Variants in KRTAP4-12 observed in about 807,000 individuals in gnomAD.
The protein encoded by KRTAP4-12 is keratin-associated protein 4-12.
KRTAP4-12 carries 1 observed loss-of-function variant against 0.9 expected under a neutral mutation model. The observed-to-expected ratio is 1.11, with a 90% CI of 0.40 to 5.29. KRTAP4-12 has a LOEUF of 5.29. KRTAP4-12 is among the 30% of genes most tolerant of loss of function. The probability of loss-of-function intolerance (pLI) is 0.16; values close to 1 mark genes in which losing one functional copy is unlikely to be tolerated. For missense variants in KRTAP4-12, 240 were observed against 265.6 expected (o/e 0.90, Z 0.67); for synonymous variants, 85 against 94.0 (o/e 0.90, Z 0.55).
rs369956813 is a variant in KRTAP4-12, at chr17:41,123,698, C to G, written c.425G>C (p.Arg142Pro). The change falls in exon 1 of 1, where the codon CGC becomes CCC. Residue 142 changes from arginine (R) to proline (P), a missense_variant. By Grantham distance (103) the Arg-to-Pro change is moderately radical. Around this residue, in one of 3 missense-constraint regions of KRTAP4-12, gnomAD observed 119 missense variants for 106.2 expected, o/e 1.12. Transcript: ENST00000394014. ...GCTGCTGGAGATGCAGCAGCTGGGG[C>G]GGCAGCAGGTGGGCTGGCAGCACAC... ...QSVCCQPTCC[R>P]PSCCISSSCC... 2.1e-5 allele frequency: 34 copies of G among 1,612,552 alleles called. No individual in the cohort carries two copies. Among genetic ancestry groups the G allele is most frequent in the South Asian group, 1.4e-4 (13 of 91,004 alleles).
In KRTAP4-12 at chr17:41,123,210, A is replaced by T. The variant is rs1469231251; in HGVS notation, c.*307T>A. The T allele has an allele frequency of 4.8e-5, 26 of 545,938 alleles. No individual in the cohort carries two copies. The highest frequency in any genetic ancestry group is 1.5e-4 in the Admixed American group (4 of 27,294). The allele number at this position is 545,938 out of a possible 1,614,324, so 33.8% of individuals were successfully genotyped here. On this transcript the variant is annotated 3_prime_UTR_variant, in exon 1 of 1. Transcript: ENST00000394014. ...GGACTTCAAGGTTGGAGGCTTTAAG[A>T]TCTGTGGCCCTACAAATGATGGAGG...
Position 41,123,644 on chromosome 17 carries a change from C to T in KRTAP4-12, c.479G>A (p.Cys160Tyr). 1 of 1,613,460 alleles carries T rather than the reference C, an allele frequency of 6.2e-7. No homozygotes were observed. The highest frequency in any genetic ancestry group is 1.1e-5 in the South Asian group (1 of 91,066). Reference protein sequence around the residue: ...SCCPSCCESSCCRPCCCLRPV... With the variant: ...SCCPSCCESSYCRPCCCLRPV... The stretch of plus-strand genomic sequence containing the variant: ...ACGCAGGCAGCAGCAGGGGCGGCAG[C>T]AGCTGGATTCACAGCAAGAGGGGCA... The change falls in exon 1 of 1, where the codon TGC becomes TAC. Residue 160 changes from cysteine (C) to tyrosine (Y), a missense_variant. Transcript: ENST00000394014.
At position 41,123,646 on chromosome 17, in the gene KRTAP4-12, G is replaced by C; in HGVS notation, c.477C>G (p.Ser159Arg). 1 of 1,613,510 alleles carries C rather than the reference G, an allele frequency of 6.2e-7. No individual in the cohort carries two copies. The highest frequency in any genetic ancestry group is 8.5e-7 in the Non-Finnish European group (1 of 1,179,954). ...SSCCPSCCES[S>R]CCRPCCCLRP... ...GCAGGCAGCAGCAGGGGCGGCAGCAGCTGGATTCACAGCAAGAGGGGCAGC... is the reference window on the plus strand; with the variant it reads ...GCAGGCAGCAGCAGGGGCGGCAGCACCTGGATTCACAGCAAGAGGGGCAGC... Residue 159 changes from serine to arginine, a missense_variant, in exon 1 of 1, where the codon AGC (serine) becomes AGG (arginine). Physicochemically the swap from Ser to Arg is moderately radical, Grantham distance 110 (BLOSUM62 -1). This residue lies in a region of KRTAP4-12 where 119 missense variants were observed against 106.2 expected (regional missense o/e 1.12). Coordinates refer to ENST00000394014, the MANE Select transcript of KRTAP4-12 (RefSeq NM_031854.3).
rs369956813 is a variant in KRTAP4-12, at chr17:41,123,698, C to T, written c.425G>A (p.Arg142His). The change falls in exon 1 of 1, where the codon CGC becomes CAC. Residue 142 changes from arginine (R) to histidine (H), a missense_variant. This residue lies in a region of KRTAP4-12 where 119 missense variants were observed against 106.2 expected (regional missense o/e 1.12). Coordinates refer to ENST00000394014, the MANE Select transcript of KRTAP4-12 (RefSeq NM_031854.3). ...QSVCCQPTCC[R>H]PSCCISSSCC... Reference sequence around the variant, plus strand: ...GCTGCTGGAGATGCAGCAGCTGGGGCGGCAGCAGGTGGGCTGGCAGCACAC... The same window carrying T: ...GCTGCTGGAGATGCAGCAGCTGGGGTGGCAGCAGGTGGGCTGGCAGCACAC... 599 of 1,612,668 alleles carry T rather than the reference C, an allele frequency of 3.7e-4. 6 individuals are homozygous for T. In the South Asian group the frequency reaches 5.8e-3, roughly 16 times the overall value.
In KRTAP4-12 at chr17:41,123,705, A is replaced by T. The variant is rs1297846364; in HGVS notation, c.418T>A (p.Cys140Ser). The T allele has an allele frequency of 1.9e-6, 3 of 1,612,876 alleles. No individual in the cohort carries two copies. In the East Asian group the frequency reaches 6.7e-5, roughly 36 times the overall value. ...GAGATGCAGCAGCTGGGGCGGCAGC[A>T]GGTGGGCTGGCAGCACACAGACTGG... is the stretch of plus-strand genomic sequence containing the variant. ...CCQSVCCQPTCCRPSCCISSS... is the reference protein window; with the variant it reads ...CCQSVCCQPTSCRPSCCISSS... Residue 140 changes from cysteine (C) to serine (S), a missense_variant, in exon 1 of 1, where the codon TGC (cysteine) becomes AGC (serine). By Grantham distance (112) the Cys-to-Ser change is moderately radical (BLOSUM62 -1). Coordinates refer to ENST00000394014, the MANE Select transcript of KRTAP4-12 (RefSeq NM_031854.3).
rs772869229 is a variant in KRTAP4-12 at position 41,124,095 on chromosome 17, A to C, written c.28T>G (p.Cys10Gly). The change falls in exon 1 of 1, where the codon TGC becomes GGC. Residue 10 changes from cysteine (C) to glycine (G), a missense_variant. Transcript: ENST00000394014. ...TCCAGGCCACAGCCCTGGTCAGAGC[A>C]CACAGAGCCACAACAGGAGTTGACC... The part of the protein sequence containing the change: MVNSCCGSV[C>G]SDQGCGLENC... The C allele has an allele frequency of 6.2e-7, 1 of 1,613,254 alleles. No homozygotes were observed. The highest frequency in any genetic ancestry group is 2.2e-5 in the East Asian group (1 of 44,854).
Position 41,124,134 on chromosome 17 carries a change from G to T in KRTAP4-12, c.-12C>A. ...CAGGAGTTGACCATGGTGTCAGAGGGTGGAGGTTCTCGGTGGGTTTCCAGG... is the reference window on the plus strand; with the variant it reads ...CAGGAGTTGACCATGGTGTCAGAGGTTGGAGGTTCTCGGTGGGTTTCCAGG... On this transcript the variant is annotated 5_prime_UTR_variant, in exon 1 of 1. Transcript: ENST00000394014. The T allele has an allele frequency of 6.2e-7, 1 of 1,602,162 alleles. No homozygotes were observed. Among genetic ancestry groups the T allele is most frequent in the Non-Finnish European group, 8.5e-7 (1 of 1,172,714 alleles).
chr17:41,123,784 G>T lies in KRTAP4-12; in HGVS notation c.339C>A (p.Thr113=), dbSNP rs2014452273. ...PSCCQTTCCR[T]TCCRPSCCVS... is the part of the protein sequence containing the mutation. Reference sequence around the variant, plus strand: ...CACAGCAGCTGGGGCGGCAGCAAGTGGTCCTGCAGCAGGTGGTCTGACAGC... The same window carrying T: ...CACAGCAGCTGGGGCGGCAGCAAGTTGTCCTGCAGCAGGTGGTCTGACAGC... Residue 113 remains threonine (T), a synonymous_variant, in exon 1 of 1, where the codon ACC becomes ACA. Transcript: ENST00000394014. The T allele has an allele frequency of 6.3e-7, 1 of 1,583,256 alleles. No homozygotes were observed. Among genetic ancestry groups the T allele is most frequent in the Middle Eastern group, 1.7e-4 (1 of 5,896 alleles).
In KRTAP4-12 at chr17:41,124,024, G is replaced by T; in HGVS notation, c.99C>A (p.Thr33=). ...PSCCQTTCCR[T]TCCRPSCCVS... ...CACAGCAGCTGGGGCGGCAGCAGGT[G>T]GTCCTGCAGCAGGTGGTCTGGCAGC... is the stretch of plus-strand genomic sequence containing the variant. The change falls in exon 1 of 1, where the codon ACC becomes ACA. Residue 33 remains threonine (T), a synonymous_variant. Coordinates refer to ENST00000394014, the MANE Select transcript of KRTAP4-12 (RefSeq NM_031854.3). 1.2e-6 allele frequency: 2 copies of T among 1,612,444 alleles called. No individual in the cohort carries two copies. Among genetic ancestry groups the T allele is most frequent in the Non-Finnish European group, 1.7e-6 (2 of 1,179,656 alleles).
Position 41,123,260 on chromosome 17 carries a change from A to T in KRTAP4-12, c.*257T>A. 2 of 704,964 alleles carry T rather than the reference A, an allele frequency of 2.8e-6. No individual in the cohort carries two copies. Among genetic ancestry groups the T allele is most frequent in the Non-Finnish European group, 4.6e-6 (2 of 435,818 alleles). 43.7% of individuals were successfully genotyped at this position (704,964 alleles called of 1,614,324 possible). ...GCAATCTTCAAATTCCTTAGGCATG[A>T]TGAATAAATGTCCTGAAGTCAAAGA... On this transcript the variant is annotated 3_prime_UTR_variant, in exon 1 of 1. Coordinates refer to ENST00000394014, the MANE Select transcript of KRTAP4-12 (RefSeq NM_031854.3).
In KRTAP4-12 at chr17:41,123,736, C is replaced by T; in HGVS notation, c.387G>A (p.Gln129=). The part of the protein sequence containing the change: ...SCCVSSCCRP[Q]CCQSVCCQPT... ...GCTGGCAGCACACAGACTGGCAGCA[C>T]TGGGGTCTGCAGCAGCTGGACACAC... The change falls in exon 1 of 1, where the codon CAG becomes CAA. Residue 129 remains glutamine (Q), a synonymous_variant. Transcript: ENST00000394014. 1 of 1,609,684 alleles carries T rather than the reference C, an allele frequency of 6.2e-7. No homozygotes were observed. Among genetic ancestry groups the T allele is most frequent in the Non-Finnish European group, 8.5e-7 (1 of 1,178,546 alleles).
In KRTAP4-12 at chr17:41,123,345, T is replaced by C. The variant is rs763470294; in HGVS notation, c.*172A>G. 22 of 1,281,044 alleles carry C rather than the reference T, an allele frequency of 1.7e-5. No individual in the cohort carries two copies. The highest frequency in any genetic ancestry group is 2.3e-5 in the Non-Finnish European group (22 of 947,958). 79.4% of individuals were successfully genotyped at this position (1,281,044 alleles called of 1,614,324 possible). On this transcript the variant is annotated 3_prime_UTR_variant, in exon 1 of 1. Transcript: ENST00000394014. ...ATTAGGAGATTGTCAATGAATTCCT[T>C]TGGAAGGAAGGGAGTTTGGACAAAA...
chr17:41,123,321 T>C lies in KRTAP4-12; in HGVS notation c.*196A>G. The C allele has an allele frequency of 9.1e-7, 1 of 1,101,366 alleles. No individual in the cohort carries two copies. 68.2% of individuals were successfully genotyped at this position (1,101,366 alleles called of 1,614,324 possible). ...TGTTGGAGGACAATTTGTCAATTTATTAGGAGATTGTCAATGAATTCCTTT... is the reference window on the plus strand; with the variant it reads ...TGTTGGAGGACAATTTGTCAATTTACTAGGAGATTGTCAATGAATTCCTTT... On this transcript the variant is annotated 3_prime_UTR_variant, in exon 1 of 1. Transcript: ENST00000394014.
rs2014435939 is a variant in KRTAP4-12, at chr17:41,123,259, G to A, written c.*258C>T. The A allele has an allele frequency of 1.4e-6, 1 of 702,990 alleles. No homozygotes were observed. The highest frequency in any genetic ancestry group is 3.2e-5 in the Admixed American group (1 of 31,110). 43.5% of individuals were successfully genotyped at this position (702,990 alleles called of 1,614,324 possible). Reference sequence around the variant, plus strand: ...GGCAATCTTCAAATTCCTTAGGCATGATGAATAAATGTCCTGAAGTCAAAG... The same window carrying A: ...GGCAATCTTCAAATTCCTTAGGCATAATGAATAAATGTCCTGAAGTCAAAG... On this transcript the variant is annotated 3_prime_UTR_variant, in exon 1 of 1. Transcript: ENST00000394014.
chr17:41,123,263 A>T lies in KRTAP4-12; in HGVS notation c.*254T>A, dbSNP rs138616317. 1.0e-3 allele frequency: 751 copies of T among 723,874 alleles called. No individual in the cohort carries two copies. The highest frequency in any genetic ancestry group is 1.4e-3 in the Non-Finnish European group (614 of 450,870). 44.8% of individuals were successfully genotyped at this position (723,874 alleles called of 1,614,324 possible). Reference sequence around the variant, plus strand: ...ATCTTCAAATTCCTTAGGCATGATGAATAAATGTCCTGAAGTCAAAGAGGT... The same window carrying T: ...ATCTTCAAATTCCTTAGGCATGATGTATAAATGTCCTGAAGTCAAAGAGGT... On this transcript the variant is annotated 3_prime_UTR_variant, in exon 1 of 1. Coordinates refer to ENST00000394014, the MANE Select transcript of KRTAP4-12 (RefSeq NM_031854.3).
In KRTAP4-12 at chr17:41,123,557, G is replaced by A. The variant is rs775618535; in HGVS notation, c.566C>T (p.Thr189Ile). The A allele has an allele frequency of 2.0e-5, 33 of 1,612,992 alleles. No individual in the cohort carries two copies. The part of the protein sequence containing the change: ...TCYRPTCVIS[T>I]CPRPLCCASS... ...GGCACAGCACAAGGGGCGGGGGCAG[G>A]TGGAGATGACACAGGTTGGGCGATA... The change falls in exon 1 of 1, where the codon ACC becomes ATC. Residue 189 changes from threonine to isoleucine, a missense_variant. Around this residue, in one of 3 missense-constraint regions of KRTAP4-12, gnomAD observed 119 missense variants for 106.2 expected, o/e 1.12. Transcript: ENST00000394014.
In KRTAP4-12 at chr17:41,123,950, G is replaced by A; in HGVS notation, c.173C>T (p.Pro58Leu). 6.4e-7 allele frequency: 1 copy of A among 1,555,312 alleles called. No individual in the cohort carries two copies. Among genetic ancestry groups the A allele is most frequent in the South Asian group, 1.1e-5 (1 of 88,336 alleles). Residue 58 changes from proline to leucine, a missense_variant, in exon 1 of 1, where the codon CCC becomes CTC. Physicochemically the swap from Pro to Leu is moderately conservative, Grantham distance 98. Coordinates refer to ENST00000394014, the MANE Select transcript of KRTAP4-12 (RefSeq NM_031854.3). ...ACAGCAGCTGGGGCGGCAGCAGGTG[G>A]GCTGACAGCACACAGACTGGCAGCA... ...PQCCQSVCCQ[P>L]TCCRPSCCQT...
chr17:41,123,801 T>A lies in KRTAP4-12; in HGVS notation c.322A>T (p.Thr108Ser), dbSNP rs622950. The A allele has an allele frequency of 0.021, 31,522 of 1,516,654 alleles. 2,713 individuals are homozygous for A. The African/African-American group carries it at 0.3, about 14-fold the overall frequency. The allele number at this position is 1,516,654 out of a possible 1,614,324, so 93.9% of individuals were successfully genotyped here. A position where few individuals can be genotyped will look rare whatever the true frequency, so the allele number is the denominator to read the frequency against. Residue 108 changes from threonine (T) to serine (S), a missense_variant, in exon 1 of 1, where the codon ACC becomes TCC. Physicochemically the swap from Thr to Ser is moderately conservative, Grantham distance 58. This residue lies in a region of KRTAP4-12 where 11 missense variants were observed against 44.3 expected (regional missense o/e 0.25). Transcript: ENST00000394014. ...CAGCAAGTGGTCCTGCAGCAGGTGG[T>A]CTGACAGCAGCTGGGGCGGCAGCAG... The part of the protein sequence containing the change: ...PTCCRPSCCQ[T>S]TCCRTTCCRP...
At position 41,124,171 on chromosome 17, in the gene KRTAP4-12, T is replaced by A; in HGVS notation, c.-49A>T. The A allele has an allele frequency of 2.5e-6, 4 of 1,569,436 alleles. No homozygotes were observed. Among genetic ancestry groups the A allele is most frequent in the Non-Finnish European group, 3.5e-6 (4 of 1,157,884 alleles). ...GGTGGGTTTCCAGGAGAGTGAGTGT[T>A]CTGAGTTTGATCTCTCCTTGTTCTC... On this transcript the variant is annotated 5_prime_UTR_variant, in exon 1 of 1. Coordinates refer to ENST00000394014, the MANE Select transcript of KRTAP4-12 (RefSeq NM_031854.3).
Sources: allele counts gnomAD v4.1 joint callset, GRCh38; gene constraint gnomAD v4.1.1; regional missense constraint gnomAD v4.1.1; transcripts MANE v1.5; gene names NCBI Gene and HGNC (gene_info 2026-07-23, HGNC 2026-07-21).